The following ODF1 variants were observed in gnomAD, a reference collection of about 807,000 sequenced individuals.
ODF1 encodes outer dense fiber of sperm tails 1.
Under a neutral mutation model 24.0 loss-of-function variants are expected in ODF1, and 10 were observed. The observed-to-expected ratio is 0.42, with a 90% CI of 0.26 to 0.71. The LOEUF (loss-of-function observed/expected upper bound fraction) is 0.71, where lower values mean the gene tolerates loss of function less well. ODF1 is among the 30% of genes least tolerant of loss of function. The pLI, the probability that ODF1 is intolerant of heterozygous loss-of-function variation, is 0.28. For synonymous variants in ODF1, 118 were observed against 121.3 expected, an observed-to-expected ratio of 0.97 and a Z score of 0.18; for missense variants, 282 against 307.9, an observed-to-expected ratio of 0.92 and a Z score of 0.63.
Position 102,551,853 on chromosome 8 carries a change from C to T in ODF1, c.126C>T (p.His42=), listed in dbSNP as rs1414641940. ...STRCLCDLYM[H]PYCCCDLHPY... ...GGTGCCTGTGCGACTTGTATATGCACCCCTATTGCTGCTGTGACTTGCACC... is the reference window on the plus strand; with the variant it reads ...GGTGCCTGTGCGACTTGTATATGCATCCCTATTGCTGCTGTGACTTGCACC... Residue 42 remains histidine (H), a synonymous_variant, in exon 1 of 2, where the codon CAC becomes CAT. Transcript: ENST00000285402. 1 of 1,614,124 alleles carries T rather than the reference C, an allele frequency of 6.2e-7. No homozygotes were observed. The highest frequency in any genetic ancestry group is 1.7e-5 in the Admixed American group (1 of 60,012).
chr8:102,552,205 T>C lies in ODF1; in HGVS notation c.320+158T>C, dbSNP rs746299776. Among the ~76,000 whole-genome samples the C allele has an allele frequency of 1.2e-4, 19 of 152,034 alleles. 1 individual carries two copies. In the South Asian group the frequency reaches 1.9e-3, roughly 15 times the overall value. On this transcript the variant is annotated intron_variant, in intron 1 of 1. Transcript: ENST00000285402. The stretch of plus-strand genomic sequence containing the variant: ...AAAGATTTAAGGAAAGAAGAGTAAA[T>C]GAGTCCATGATGGGAATTGTAGGGT...
chr8:102,556,392 G>T (rs1826111373), intron 1 of ODF1, among the ~76,000 whole-genome samples: 1 of 152,034 alleles, frequency 6.6e-6, no homozygotes, highest in African/African-American at 2.4e-5. Context: ...TGAAACTCTA[G>T]GGGTGGGATC....
Position 102,556,486 on chromosome 8 carries a change from C to T in ODF1, c.321-3966C>T, listed in dbSNP as rs549453278. On this transcript the variant is annotated intron_variant, in intron 1 of 1. Transcript: ENST00000285402. The stretch of plus-strand genomic sequence containing the variant: ...TTGTTGAGATGGAGTATTGCTCTGG[C>T]GCCCAGGCTGGAGTACAGTGGTGTG... Among the ~76,000 whole-genome samples, 61 of 151,898 alleles carry T rather than the reference C, an allele frequency of 4.0e-4. 1 individual carries two copies. The South Asian group carries it at 7.5e-3, about 19-fold the overall frequency.
At chr8:102,556,674 C>T (rs1826116209) in intron 1 of ODF1, among the ~76,000 whole-genome samples, 1 of 152,064 alleles carries the variant, frequency 6.6e-6, no homozygotes, top group Non-Finnish European at 1.5e-5. Flanking sequence ...TGCCATGCTG[C>T]CTGGCTCCCT....
intron 1 of ODF1, 57 bp from the exon 2 acceptor site, chr8:102,560,395 G>C: frequency 6.7e-7 from 1 of 1,500,318 alleles, no homozygotes. Flanking sequence ...TTCTCAAGCT[G>C]TGTCTGGATT....
chr8:102,553,018 G>GATA (rs1563938454), intron 1 of ODF1, among the ~76,000 whole-genome samples: 16 of 16,638 alleles, frequency 9.6e-4, no homozygotes, highest in African/African-American at 5.9e-3. Context: ...ATAGATAGAT[G>GATA]ATAGATAGAT....
At chr8:102,552,113 AAT>A (rs1347296581) in intron 1 of ODF1, 66 bp downstream of exon 1, 2 of 1,090,952 alleles carry the variant, frequency 1.8e-6, no homozygotes, top group Non-Finnish European at 2.6e-6. Context: ...AATAAGGAAA[AAT>A]ATGTGACAAT....
chr8:102,558,316 T>A (rs1346079891), intron 1 of ODF1, among the ~76,000 whole-genome samples: 1 of 152,148 alleles, frequency 6.6e-6, no homozygotes, highest in Non-Finnish European at 1.5e-5. Context: ...TAGCCGAGCA[T>A]GGTGGCGGGC....
intron 1 of ODF1, among the ~76,000 whole-genome samples, chr8:102,554,535 T>C (rs562036427): frequency 1.3e-5 from 2 of 152,366 alleles, no homozygotes; most frequent in African/African-American, 4.8e-5. Context: ...GGTCCTCCTT[T>C]AATAACTGGT....
At chr8:102,559,266 G>A (rs569044346) in intron 1 of ODF1, among the ~76,000 whole-genome samples, 2 of 151,444 alleles carry the variant, frequency 1.3e-5, no homozygotes, top group South Asian at 4.2e-4. Context: ...CAGTTCCAGA[G>A]TCTGTTCTTA....
chr8:102,554,175 G>A (rs1434279), intron 1 of ODF1, among the ~76,000 whole-genome samples: 89,986 of 152,054 alleles, frequency 0.59, 27,372 homozygotes, highest in Middle Eastern at 0.72. Flanking sequence ...AAGGCCCCCA[G>A]TGTAGTATTT....
chr8:102,553,204 T>TAAAAAA lies in ODF1; in HGVS notation c.320+1158_320+1159insAAAAAA, dbSNP rs1315579134. ...ATGGTGAAACCCCATCTCTACTAAA[T>TAAAAAA]ACAAAAAAAAAAAAAAAAAAAAATT... On this transcript the variant is annotated intron_variant, in intron 1 of 1. Transcript: ENST00000285402. 2.0e-3 allele frequency among the ~76,000 whole-genome samples: 131 copies of TAAAAAA among 64,670 alleles called. 3 individuals are homozygous for TAAAAAA. The highest frequency in any genetic ancestry group is 2.8e-3 in the East Asian group (9 of 3,178). The allele number at this position is 64,670 out of a possible 152,430, so 42.4% of individuals were successfully genotyped here.
chr8:102,551,599 C>T lies in ODF1; in HGVS notation c.-129C>T. On this transcript the variant is annotated 5_prime_UTR_variant, in exon 1 of 2. Coordinates refer to ENST00000285402, the MANE Select transcript of ODF1 (RefSeq NM_024410.4). ...AGGTGGTGAGGTCATAGAACACAAGCTTTAAAGTAAGTGAATCATGTGTGC... is the reference window on the plus strand; with the variant it reads ...AGGTGGTGAGGTCATAGAACACAAGTTTTAAAGTAAGTGAATCATGTGTGC... 1.4e-6 allele frequency: 1 copy of T among 691,864 alleles called. No homozygotes were observed. Among genetic ancestry groups the T allele is most frequent in the Non-Finnish European group, 2.4e-6 (1 of 417,604 alleles). 42.9% of individuals were successfully genotyped at this position (691,864 alleles called of 1,614,324 possible).
Position 102,551,815 on chromosome 8 carries a change from G to A in ODF1, c.88G>A (p.Glu30Lys), listed in dbSNP as rs770707514. 17 of 1,614,142 alleles carry A rather than the reference G, an allele frequency of 1.1e-5. No individual in the cohort carries two copies. Among genetic ancestry groups the A allele is most frequent in the Middle Eastern group, 3.3e-4 (2 of 6,062 alleles). Reference sequence around the variant, plus strand: ...ACTAAGGCAACTGAGATGCATCGACGAATTTAGCACACGGTGCCTGTGCGA... The same window carrying A: ...ACTAAGGCAACTGAGATGCATCGACAAATTTAGCACACGGTGCCTGTGCGA... ...RELRQLRCIDEFSTRCLCDLY... is the reference protein window; with the variant it reads ...RELRQLRCIDKFSTRCLCDLY... Residue 30 changes from glutamate to lysine, a missense_variant, in exon 1 of 2, where the codon GAA (glutamate) becomes AAA (lysine). Transcript: ENST00000285402.
At chr8:102,556,951 G>C (rs2248172) in intron 1 of ODF1, among the ~76,000 whole-genome samples, 127,529 of 152,176 alleles carry the variant, frequency 0.84, 53,714 homozygotes, top group Middle Eastern at 0.87. Flanking sequence ...ATTCATGACC[G>C]GGTTAAATCT....
intron 1 of ODF1, among the ~76,000 whole-genome samples, chr8:102,553,735 C>T (rs961353370): frequency 6.6e-6 from 1 of 152,230 alleles, no homozygotes; most frequent in Non-Finnish European, 1.5e-5. Context: ...CCTGTGCTGT[C>T]TACTCTCTTG....
At position 102,551,997 on chromosome 8, in the gene ODF1, G is replaced by C; in HGVS notation, c.270G>C (p.Leu90Phe). ...LYCLRPSLRS[L>F]ERKAIRAIED... ...GTCTGCGACCATCTCTCAGAAGTTT[G>C]GAGAGGAAAGCCATCAGAGCCATAG... is the stretch of plus-strand genomic sequence containing the variant. The change falls in exon 1 of 2, where the codon TTG becomes TTC. Residue 90 changes from leucine to phenylalanine, a missense_variant. Physicochemically the swap from Leu to Phe is conservative, Grantham distance 22. Coordinates refer to ENST00000285402, the MANE Select transcript of ODF1 (RefSeq NM_024410.4). The C allele has an allele frequency of 9.9e-6, 16 of 1,611,844 alleles. No homozygotes were observed. The highest frequency in any genetic ancestry group is 1.4e-5 in the Non-Finnish European group (16 of 1,178,140).
At chr8:102,553,846 T>G (rs1418521236) in intron 1 of ODF1, among the ~76,000 whole-genome samples, 1 of 152,218 alleles carries the variant, frequency 6.6e-6, no homozygotes, top group Non-Finnish European at 1.5e-5. Context: ...TTTTCTCTGG[T>G]TTGTGATGCT....
chr8:102,559,913 TA>T (rs1826156762), intron 1 of ODF1, among the ~76,000 whole-genome samples: 1 of 150,824 alleles, frequency 6.6e-6, no homozygotes, highest in South Asian at 2.1e-4. Context: ...TTAATCTATA[TA>T]AATATAAAAT....
Sources: allele counts gnomAD v4.1 joint callset (sites outside exome capture counted in the v4.1 genomes callset), GRCh38; gene constraint gnomAD v4.1.1; transcripts MANE v1.5; gene names NCBI Gene and HGNC (gene_info 2026-07-23, HGNC 2026-07-21).